Variants in PDSS2 observed in about 807,000 individuals in gnomAD.
PDSS2 encodes the protein decaprenyl diphosphate synthase subunit 2, also known as all trans-polyprenyl-diphosphate synthase PDSS2.
A neutral mutation model predicts 44.5 loss-of-function variants in PDSS2; 31 were observed. That is an observed-to-expected ratio of 0.70 (90% CI 0.52 to 0.94). The LOEUF is 0.94. Among genes scored for constraint, PDSS2 ranks in the 40% least tolerant of loss-of-function variants. The pLI, the probability that PDSS2 is intolerant of heterozygous loss-of-function variation, is 0.00. For synonymous variants in PDSS2, 157 were observed against 180.3 expected, an observed-to-expected ratio of 0.87 and a Z score of 1.03; for missense variants, 452 against 482.2, an observed-to-expected ratio of 0.94 and a Z score of 0.59.
chr6:107,384,410 G>C lies in PDSS2; in HGVS notation c.297-50078C>G, dbSNP rs1050305679. On this transcript the variant is annotated intron_variant, in intron 1 of 7. Coordinates refer to ENST00000369037, the MANE Select transcript of PDSS2 (RefSeq NM_020381.4). ...AATCCCAGCACTTTGGGAGGCCAAG[G>C]TGGTTGGATCACCTGAAGTCAGGAG... Among the ~76,000 whole-genome samples, 3 of 152,150 alleles carry C rather than the reference G, an allele frequency of 2.0e-5. No homozygotes were observed. In the East Asian group the frequency reaches 5.8e-4, roughly 29 times the overall value.
At chr6:107,260,654 C>T (rs1562415675) in intron 3 of PDSS2, among the ~76,000 whole-genome samples, 1 of 142,942 alleles carries the variant, frequency 7.0e-6, no homozygotes, top group Non-Finnish European at 1.5e-5. Flanking sequence ...AGTCTTCCCC[C>T]TTCATTTTTT....
chr6:107,318,438 T>A (rs1413303123), intron 2 of PDSS2, among the ~76,000 whole-genome samples: 1 of 151,978 alleles, frequency 6.6e-6, no homozygotes, highest in Non-Finnish European at 1.5e-5. Flanking sequence ...CAGAACAAAT[T>A]GTTTTATTCA....
intron 6 of PDSS2, among the ~76,000 whole-genome samples, chr6:107,198,488 C>A (rs1772644698): frequency 2.0e-5 from 3 of 152,058 alleles, no homozygotes; most frequent in Admixed American, 2.0e-4. Context: ...TTAGCTTGTA[C>A]ATAAAAGTAT....
intron 1 of PDSS2, among the ~76,000 whole-genome samples, chr6:107,389,596 A>C (rs1446693184): frequency 6.6e-6 from 1 of 152,214 alleles, no homozygotes; most frequent in Non-Finnish European, 1.5e-5. Flanking sequence ...GGCTACAAGG[A>C]ATACTGTGGT....
At chr6:107,389,729 G>C (rs1362410636) in intron 1 of PDSS2, among the ~76,000 whole-genome samples, 1 of 152,116 alleles carries the variant, frequency 6.6e-6, no homozygotes, top group Non-Finnish European at 1.5e-5. Flanking sequence ...TCTGTCTGTG[G>C]AGAGGGCCTA....
intron 2 of PDSS2, among the ~76,000 whole-genome samples, chr6:107,323,006 G>C (rs1005817929): frequency 6.6e-6 from 1 of 152,150 alleles, no homozygotes; most frequent in African/African-American, 2.4e-5. Context: ...GAGTGAGAAG[G>C]AAAGTCCAAG....
intron 3 of PDSS2, among the ~76,000 whole-genome samples, chr6:107,255,616 A>G (rs895097358): frequency 1.3e-5 from 2 of 151,542 alleles, no homozygotes; most frequent in African/African-American, 4.8e-5. Flanking sequence ...AAAAAAAAAC[A>G]AACAAAAAGT....
intron 6 of PDSS2, among the ~76,000 whole-genome samples, chr6:107,201,522 G>A (rs1004871306): frequency 8.6e-5 from 13 of 151,730 alleles, no homozygotes; most frequent in African/African-American, 2.4e-4. Context: ...AGTAATGGAT[G>A]TACAATGTGG....
intron 1 of PDSS2, among the ~76,000 whole-genome samples, chr6:107,456,961 G>A (rs1782064206): frequency 6.6e-6 from 1 of 152,122 alleles, no homozygotes; most frequent in African/African-American, 2.4e-5. Flanking sequence ...CTTAAGTTGG[G>A]TAATAGTAGG....
intron 6 of PDSS2, among the ~76,000 whole-genome samples, chr6:107,205,351 A>T (rs1772935770): frequency 6.6e-6 from 1 of 152,208 alleles, no homozygotes; most frequent in African/African-American, 2.4e-5. Context: ...CAGGTGACTT[A>T]TAGTGGCAGC....
chr6:107,383,230 C>T (rs551610497), intron 1 of PDSS2, among the ~76,000 whole-genome samples: 110 of 123,574 alleles, frequency 8.9e-4, no homozygotes, highest in Admixed American at 4.3e-3. Flanking sequence ...ACCCAGGAGG[C>T]GGAGGCTGCA....
intron 6 of PDSS2, among the ~76,000 whole-genome samples, chr6:107,206,650 A>G (rs1254947223): frequency 6.6e-6 from 1 of 152,172 alleles, no homozygotes; most frequent in Non-Finnish European, 1.5e-5. Flanking sequence ...AAAACACATG[A>G]ACACTAATGG....
At chr6:107,316,210 T>C (rs187305020) in intron 2 of PDSS2, among the ~76,000 whole-genome samples, 16 of 152,308 alleles carry the variant, frequency 1.1e-4, no homozygotes, top group Non-Finnish European at 2.4e-4. Context: ...TCTTAATCTT[T>C]ACCCCCACAT....
At chr6:107,204,923 C>G (rs1772920362) in intron 6 of PDSS2, among the ~76,000 whole-genome samples, 1 of 152,138 alleles carries the variant, frequency 6.6e-6, no homozygotes, top group Non-Finnish European at 1.5e-5. Context: ...ATATCTAGAG[C>G]CATTTCATAG....
chr6:107,244,317 A>G (rs964258069), intron 4 of PDSS2, among the ~76,000 whole-genome samples: 5 of 152,228 alleles, frequency 3.3e-5, no homozygotes, highest in African/African-American at 1.2e-4. Context: ...ATGAAGAAAC[A>G]CAGGCAAATC....
Position 107,412,081 on chromosome 6 carries a change from G to A in PDSS2, c.296+46909C>T, listed in dbSNP as rs186912167. Among the ~76,000 whole-genome samples, 5 of 151,078 alleles carry A rather than the reference G, an allele frequency of 3.3e-5. No homozygotes were observed. The East Asian group carries it at 9.8e-4, about 30-fold the overall frequency. The stretch of plus-strand genomic sequence containing the variant: ...TTTTGTATTTTTAGTAGAAACGGGG[G>A]TTTCACCATGTTAGCAGGCTGGTCT... On this transcript the variant is annotated intron_variant, in intron 1 of 7. Transcript: ENST00000369037.
chr6:107,419,035 TAA>T (rs899088517), intron 1 of PDSS2, among the ~76,000 whole-genome samples: 1 of 145,632 alleles, frequency 6.9e-6, no homozygotes, highest in African/African-American at 2.5e-5. Flanking sequence ...GTAGTTAGCT[TAA>T]AAAAAAAAAC....
At chr6:107,214,387 G>A (rs924847483) in intron 4 of PDSS2, among the ~76,000 whole-genome samples, 4 of 152,022 alleles carry the variant, frequency 2.6e-5, no homozygotes, top group Non-Finnish European at 5.9e-5. Flanking sequence ...CACCGCTCCC[G>A]GCCTTTACAC....
chr6:107,374,409 G>T (rs1184184574), intron 1 of PDSS2, among the ~76,000 whole-genome samples: 1 of 152,140 alleles, frequency 6.6e-6, no homozygotes, highest in Non-Finnish European at 1.5e-5. Context: ...GCTTTTTAAA[G>T]TTTAGCATGT....
Sources: allele counts gnomAD v4.1 joint callset (sites outside exome capture counted in the v4.1 genomes callset), GRCh38; gene constraint gnomAD v4.1.1; transcripts MANE v1.5; gene names NCBI Gene and HGNC (gene_info 2026-07-23, HGNC 2026-07-21).